ZNF581: variants seen among roughly 807,000 people sequenced by gnomAD.
The protein encoded by ZNF581 is zinc finger protein 581.
A neutral mutation model predicts 1.2 loss-of-function variants in ZNF581; 1 was observed. The observed-to-expected ratio is 0.83, with a 90% CI of 0.30 to 3.95. ZNF581 has a LOEUF of 3.95. Ranked by LOEUF, ZNF581 falls within the 30% of genes most tolerant of loss-of-function variation. The pLI is 0.18. For synonymous variants in ZNF581, 105 were observed against 109.2 expected (o/e 0.96, Z 0.24); for missense variants, 273 against 274.6 (o/e 0.99, Z 0.04).
At chr19:55,641,043 C>T (rs1382947317), upstream of ZNF581, 5 of 985,094 alleles carry the variant, frequency 5.1e-6, no homozygotes, top group South Asian at 4.7e-5. Flanking sequence ...CACCCCCGCG[C>T]CCCCAGTCCC....
chr19:55,641,360 A>C (rs75424085), upstream of ZNF581, among the ~76,000 whole-genome samples: 1,033 of 152,232 alleles, frequency 6.8e-3, 11 homozygotes, highest in African/African-American at 0.023. Context: ...AGTGAAGGCA[A>C]TAGGAGGGGC....
At chr19:55,637,021 A>G (rs73934399), upstream of ZNF581, among the ~76,000 whole-genome samples, 1 of 152,126 alleles carries the variant, frequency 6.6e-6, no homozygotes, top group Non-Finnish European at 1.5e-5. Context: ...GGTTTTGATC[A>G]TGACGCACTG....
At chr19:55,642,584 G>C (rs757796258), upstream of ZNF581, 33 of 1,448,036 alleles carry the variant, frequency 2.3e-5, no homozygotes, top group Non-Finnish European at 3.0e-5. Context: ...GCCCCCCAAG[G>C]CTCCCCCTTT....
upstream of ZNF581, chr19:55,642,473 T>A (rs778462138): frequency 7.1e-7 from 1 of 1,405,294 alleles, no homozygotes; most frequent in Admixed American, 2.9e-5. Context: ...CAATTTTAAC[T>A]AATCTCCCCT....
chr19:55,643,411 T>G, upstream of ZNF581: 1 of 227,720 alleles, frequency 4.4e-6, no homozygotes. Context: ...TTCATTTCTG[T>G]ATCTACCCCC....
upstream of ZNF581, among the ~76,000 whole-genome samples, chr19:55,641,373 C>T (rs998602442): frequency 1.3e-5 from 2 of 152,176 alleles, no homozygotes; most frequent in Non-Finnish European, 2.9e-5. Context: ...GGAGGGGCCC[C>T]AGGGCCAGGG....
chr19:55,641,292 C>A, upstream of ZNF581: 1 of 708,380 alleles, frequency 1.4e-6, no homozygotes, highest in Non-Finnish European at 1.7e-6. Context: ...GGGTCGGGAG[C>A]GGCAGGATCG....
upstream of ZNF581, chr19:55,643,056 C>G (rs1381912770): frequency 4.5e-6 from 6 of 1,343,586 alleles, no homozygotes; most frequent in African/African-American, 3.1e-5. Context: ...GCTGCCCTGC[C>G]CGTCTCAGGG....
At chr19:55,638,565 T>C (rs897062815), upstream of ZNF581, among the ~76,000 whole-genome samples, 1 of 151,950 alleles carries the variant, frequency 6.6e-6, no homozygotes, top group African/African-American at 2.4e-5. Flanking sequence ...CTAGATCTCA[T>C]GTGAACTCAG....
At chr19:55,642,156 G>A, upstream of ZNF581, 1 of 1,063,314 alleles carries the variant, frequency 9.4e-7, no homozygotes, top group South Asian at 4.4e-5. Flanking sequence ...GAGGTAAACA[G>A]ATTTAGGGAT....
At chr19:55,640,711 C>T, upstream of ZNF581, 1 of 985,458 alleles carries the variant, frequency 1.0e-6, no homozygotes, top group Non-Finnish European at 1.2e-6. Context: ...CGGTGGGTGG[C>T]CACGGCCGAG....
upstream of ZNF581, chr19:55,642,510 T>C: frequency 7.0e-7 from 1 of 1,428,626 alleles, no homozygotes; most frequent in South Asian, 1.6e-5. Context: ...CCGCTCCAGA[T>C]GCTGCTGCTG....
chr19:55,644,514 C>T lies in ZNF581; in HGVS notation c.-19-39C>T. 1 of 1,349,172 alleles carries T rather than the reference C, an allele frequency of 7.4e-7. No homozygotes were observed. The highest frequency in any genetic ancestry group is 1.0e-6 in the Non-Finnish European group (1 of 997,670). 83.6% of individuals were successfully genotyped at this position (1,349,172 alleles called of 1,614,324 possible). ...GGAGCCTGTGGTGCTGAGCTGCCCTCTTCTATATAACCTTCTTATCCCATC... is the reference window on the plus strand; with the variant it reads ...GGAGCCTGTGGTGCTGAGCTGCCCTTTTCTATATAACCTTCTTATCCCATC... On this transcript the variant is annotated intron_variant, in intron 1 of 1. Transcript: ENST00000270451. This position sits in a 1 kb window ranked among gnomAD's most constrained non-coding sequence, Gnocchi z 4.3.
chr19:55,638,665 C>T (rs186271780), upstream of ZNF581, among the ~76,000 whole-genome samples: 85 of 152,222 alleles, frequency 5.6e-4, no homozygotes, highest in Non-Finnish European at 9.1e-4. Context: ...CAAGCCCCGT[C>T]TCCAACACTG....
upstream of ZNF581, chr19:55,643,247 G>A: frequency 1.4e-6 from 1 of 702,562 alleles, no homozygotes; most frequent in Non-Finnish European, 2.0e-6. Flanking sequence ...CCCTGGGCCT[G>A]GGAACCAGTC....
At chr19:55,642,260 C>T (rs2123628963), upstream of ZNF581, 7 of 1,236,826 alleles carry the variant, frequency 5.7e-6, no homozygotes, top group Non-Finnish European at 7.1e-6. Context: ...GAGGTGGACC[C>T]AGGAGGAGTG....
At position 55,644,308 on chromosome 19, in the gene ZNF581, A is replaced by G. The variant is rs573594380; in HGVS notation, c.-19-245A>G. 1.3e-5 allele frequency among the ~76,000 whole-genome samples: 2 copies of G among 152,164 alleles called. No homozygotes were observed. The highest frequency in any genetic ancestry group is 2.9e-5 in the Non-Finnish European group (2 of 68,020). ...GGTCCAGGTTGTGCAGAGGAGGTCA[A>G]GAGATCCTGTGAGTACAGTGTATGG... On this transcript the variant is annotated intron_variant, in intron 1 of 1. Transcript: ENST00000270451. This position sits in a 1 kb window ranked among gnomAD's most constrained non-coding sequence, Gnocchi z 4.3.
intron 1 of ZNF581, among the ~76,000 whole-genome samples, chr19:55,635,924 G>A (rs191322407): frequency 1.2e-3 from 179 of 152,296 alleles, no homozygotes; most frequent in Middle Eastern, 3.4e-3. Context: ...AGAGGAAAGG[G>A]GAAGAATTCC....
chr19:55,645,489 G>C lies in ZNF581; in HGVS notation c.*324G>C. 1 of 258,826 alleles carries C rather than the reference G, an allele frequency of 3.9e-6. No individual in the cohort carries two copies. The highest frequency in any genetic ancestry group is 7.5e-5 in the East Asian group (1 of 13,326). The allele number at this position is 258,826 out of a possible 1,614,324, so 16.0% of individuals were successfully genotyped here. On this transcript the variant is annotated 3_prime_UTR_variant, in exon 2 of 2. Transcript: ENST00000270451. ...AAAGTCTCTGGCCTCATAAAAGGTG[G>C]CTGTGGGTCGTCAGGAATCTGCGCC...
Sources: allele counts gnomAD v4.1 joint callset (sites outside exome capture counted in the v4.1 genomes callset), GRCh38; gene constraint gnomAD v4.1.1; non-coding constraint Gnocchi (gnomAD v3.1); transcripts MANE v1.5; gene names NCBI Gene and HGNC (gene_info 2026-07-23, HGNC 2026-07-21).